RPS20: variants seen among roughly 807,000 people sequenced by gnomAD.
RPS20 encodes small ribosomal subunit protein uS10.
In RPS20, 3 loss-of-function variants were observed where a neutral mutation model predicts 15.3. The ratio of observed to expected loss-of-function variants is 0.20; its 90% CI spans 0.09 to 0.51. RPS20 has a LOEUF of 0.51. Ranked by LOEUF, RPS20 falls within the 20% of genes least tolerant of loss-of-function variation. The pLI is 0.96. For missense variants in RPS20, 67 were observed against 145.9 expected, an observed-to-expected ratio of 0.46 and a Z score of 2.79; for synonymous variants, 62 against 47.8, an observed-to-expected ratio of 1.30 and a Z score of -1.23.
downstream of RPS20, chr8:56,069,640 C>T: frequency 9.3e-7 from 1 of 1,077,944 alleles, no homozygotes; most frequent in Non-Finnish European, 1.4e-6. Flanking sequence ...TCATTTGCAT[C>T]CACTGAAGTA....
At chr8:56,072,780 G>T, downstream of RPS20, 1 of 728,216 alleles carries the variant, frequency 1.4e-6, no homozygotes, top group Non-Finnish European at 1.7e-6. Context: ...CCATGGGTGT[G>T]CATTACAAAC....
chr8:56,073,776 A>T lies in RPS20; in HGVS notation c.104-8T>A, dbSNP rs761651353. 1 of 1,613,206 alleles carries T rather than the reference A, an allele frequency of 6.2e-7. No homozygotes were observed. The highest frequency in any genetic ancestry group is 8.5e-7 in the Non-Finnish European group (1 of 1,179,146). ...TTATCAAGTCAGCACACACTACAGGAAATAAAAGACCTCTCAGTATAATCG... is the reference window on the plus strand; with the variant it reads ...TTATCAAGTCAGCACACACTACAGGTAATAAAAGACCTCTCAGTATAATCG... On this transcript the variant is annotated splice_region_variant and splice_polypyrimidine_tract_variant and intron_variant, in intron 2 of 3. Coordinates refer to ENST00000009589, the MANE Select transcript of RPS20 (RefSeq NM_001023.4).
chr8:56,068,803 A>ATTTT (rs1563345604), downstream of RPS20, among the ~76,000 whole-genome samples: 2 of 92,606 alleles, frequency 2.2e-5, no homozygotes, highest in Admixed American at 1.3e-4. Flanking sequence ...CTTGGTGAAA[A>ATTTT]TATCTTTTTT....
At chr8:56,071,367 T>A (rs921183481), downstream of RPS20, among the ~76,000 whole-genome samples, 1 of 152,242 alleles carries the variant, frequency 6.6e-6, no homozygotes, top group Non-Finnish European at 1.5e-5. Flanking sequence ...TTGATAGGTA[T>A]TCCATTTTAA....
At chr8:56,073,539 G>A in intron 3 of RPS20, 156 bp downstream of exon 3, 1 of 690,550 alleles carries the variant, frequency 1.4e-6, no homozygotes, top group Non-Finnish European at 2.6e-6. Context: ...CTAAACATTA[G>A]CTACTTACTA....
chr8:56,070,120 AGTATC>A (rs1297517008), downstream of RPS20, among the ~76,000 whole-genome samples: 16 of 151,968 alleles, frequency 1.1e-4, no homozygotes, highest in African/African-American at 3.6e-4. Flanking sequence ...AATTCAATGC[AGTATC>A]GTGGGCCAGC....
At position 56,073,685 on chromosome 8, in the gene RPS20, T is replaced by C; in HGVS notation, c.177+10A>G. On this transcript the variant is annotated intron_variant, in intron 3 of 3. Transcript: ENST00000009589. Reference sequence around the variant, plus strand: ...CAACTCCTACTTCCTGCCCCTCCGATTTACTTTACCTTGGTAGGCATTCGA... The same window carrying C: ...CAACTCCTACTTCCTGCCCCTCCGACTTACTTTACCTTGGTAGGCATTCGA... The C allele has an allele frequency of 6.2e-7, 1 of 1,611,590 alleles. No homozygotes were observed. The highest frequency in any genetic ancestry group is 8.5e-7 in the Non-Finnish European group (1 of 1,178,084).
chr8:56,072,346 G>GT (rs765068624), downstream of RPS20, among the ~76,000 whole-genome samples: 4 of 152,140 alleles, frequency 2.6e-5, no homozygotes, highest in Non-Finnish European at 5.9e-5. Context: ...GAGGTCAGGA[G>GT]TTTGAGACCA....
At chr8:56,068,807 C>CTTTTT (rs61576194), downstream of RPS20, among the ~76,000 whole-genome samples, 130 of 27,692 alleles carry the variant, frequency 4.7e-3, 53 homozygotes, top group South Asian at 7.5e-3. Context: ...GTGAAAATAT[C>CTTTTT]TTTTTTTTTT....
At chr8:56,068,532 T>TTA (rs1554524048), downstream of RPS20, 8 of 72,994 alleles carry the variant, frequency 1.1e-4, no homozygotes, top group African/African-American at 4.7e-4. Context: ...AGAAAGACTC[T>TTA]AAAAAAAAAA....
intron 3 of RPS20, 190 bp from the exon 4 acceptor site, chr8:56,073,462 T>TA (rs1809827141): frequency 3.2e-6 from 2 of 634,356 alleles, no homozygotes; most frequent in Non-Finnish European, 5.5e-6. Flanking sequence ...ACACCACCCT[T>TA]AGAGCTTGCG....
exon 6 of RPS20, chr8:56,067,979 G>A (rs916864425): frequency 2.0e-5 from 3 of 151,906 alleles, no homozygotes; most frequent in African/African-American, 7.3e-5. Flanking sequence ...CTACAGAACT[G>A]TTAGAAAAGA....
intron 2 of RPS20, 136 bp downstream of exon 2, chr8:56,073,924 T>C (rs780634486): frequency 2.0e-5 from 22 of 1,104,350 alleles, no homozygotes; most frequent in Non-Finnish European, 2.9e-5. Flanking sequence ...TAAAAGCAAT[T>C]TTAAGCCACG....
chr8:56,068,807 C>CTTTTTTTTTTTTTTTTTTTTTTTTTTTTT (rs61576194), downstream of RPS20, among the ~76,000 whole-genome samples: 2 of 27,686 alleles, frequency 7.2e-5, 1 homozygote, highest in Non-Finnish European at 1.4e-4. Flanking sequence ...GTGAAAATAT[C>CTTTTTTTTTTTTTTTTTTTTTTTTTTTTT]TTTTTTTTTT....
chr8:56,073,340 T>G (rs1281826069), intron 3 of RPS20, 68 bp from the exon 4 acceptor site: 1 of 980,116 alleles, frequency 1.0e-6, no homozygotes, highest in Non-Finnish European at 1.6e-6. Flanking sequence ...ATCTGGAAAA[T>G]CATTACTTCT....
rs1481887278 is a variant in RPS20, at chr8:56,074,134, G to A, written c.29C>T (p.Pro10Leu). MAFKDTGKT[P>L]VEPEVAIHRI... ...GTGAATTGCCACCTCCGGCTCCACG[G>A]GTGTTTTTCCGGTATCCTTAAAAGC... Residue 10 changes from proline to leucine, a missense_variant, in exon 2 of 4, where the codon CCC (proline) becomes CTC (leucine). Pro to Leu is a moderately conservative substitution (Grantham distance 98, BLOSUM62 -3). Transcript: ENST00000009589. The A allele has an allele frequency of 6.2e-7, 1 of 1,613,268 alleles. No individual in the cohort carries two copies.
At chr8:56,073,033 C>A, downstream of RPS20, 1 of 1,569,606 alleles carries the variant, frequency 6.4e-7, no homozygotes, top group Non-Finnish European at 8.6e-7. Context: ...TGCCAGTATT[C>A]TGAATAAAAA....
In RPS20 at chr8:56,074,484, A is replaced by C; in HGVS notation, c.-101T>G. On this transcript the variant is annotated 5_prime_UTR_variant, in exon 1 of 4. Transcript: ENST00000009589. The stretch of plus-strand genomic sequence containing the variant: ...TGCGGACCAAAAATCCTCAGCCCTT[A>C]CGACCGCGTCTTCCTCAAAAAGAAA... The C allele has an allele frequency of 7.6e-7, 1 of 1,311,544 alleles. No homozygotes were observed. Among genetic ancestry groups the C allele is most frequent in the African/African-American group, 1.5e-5 (1 of 67,672 alleles). 81.2% of individuals were successfully genotyped at this position (1,311,544 alleles called of 1,614,324 possible).
At chr8:56,074,342 GC>G in intron 1 of RPS20, 38 bp downstream of exon 1, 1 of 1,548,824 alleles carries the variant, frequency 6.5e-7, no homozygotes, top group East Asian at 2.4e-5. Flanking sequence ...CGGCGCCCGA[GC>G]CCTGCGTTGC....
Sources: allele counts gnomAD v4.1 joint callset (sites outside exome capture counted in the v4.1 genomes callset), GRCh38; gene constraint gnomAD v4.1.1; transcripts MANE v1.5; gene names NCBI Gene and HGNC (gene_info 2026-07-23, HGNC 2026-07-21).